Variants in ERICH2 observed in about 807,000 individuals in gnomAD.
The protein encoded by ERICH2 is glutamate rich 2.
A neutral mutation model predicts 17.4 loss-of-function variants in ERICH2; 17 were observed. That is an observed-to-expected ratio of 0.98 (90% CI 0.67 to 1.47). The LOEUF is 1.47. Ranked by LOEUF, ERICH2 falls within the 40% of genes most tolerant of loss-of-function variation. ERICH2 has a pLI of 0.00. For synonymous variants in ERICH2, 51 were observed against 61.1 expected (o/e 0.83, Z 0.77); for missense variants, 186 against 183.2 (o/e 1.01, Z -0.09).
chr2:170,798,685 T>C, intron 4 of ERICH2, 85 bp from the exon 10 acceptor site: 1 of 1,483,130 alleles, frequency 6.7e-7, no homozygotes, highest in Non-Finnish European at 9.1e-7. Flanking sequence ...ATGTATTTCT[T>C]GGTAGAGGGA....
chr2:170,797,036 G>A (rs1176850473), intron 3 of ERICH2, among the ~76,000 whole-genome samples: 1 of 152,168 alleles, frequency 6.6e-6, no homozygotes, highest in African/African-American at 2.4e-5. Flanking sequence ...CAAAAGAAAG[G>A]TGACACAGTG....
upstream of ERICH2, chr2:170,779,750 A>G (rs920567078): frequency 2.8e-6 from 2 of 713,552 alleles, no homozygotes; most frequent in African/African-American, 3.9e-5. Flanking sequence ...CTTTTCTAAA[A>G]TGAATAATGA....
At chr2:170,777,973 A>T in the ERICH2 span, 1 of 312,318 alleles carries the variant, frequency 3.2e-6, no homozygotes. Context: ...TTCATTGCTC[A>T]TTCCTATTTC....
intron 4 of ERICH2, among the ~76,000 whole-genome samples, 180 bp from the exon 10 acceptor site, chr2:170,798,590 C>T (rs1701487059): frequency 6.6e-6 from 1 of 152,068 alleles, no homozygotes; most frequent in Admixed American, 6.5e-5. Flanking sequence ...ACCTGTATGC[C>T]AGTAAAAATA....
intron 3 of ERICH2, among the ~76,000 whole-genome samples, chr2:170,797,015 T>C (rs1701443241): frequency 6.6e-6 from 1 of 152,182 alleles, no homozygotes; most frequent in African/African-American, 2.4e-5. Flanking sequence ...AAAAAGTCTA[T>C]TGTTGTGGTC....
chr2:170,773,752 G>T, the ERICH2 span, among the ~76,000 whole-genome samples: 52 of 152,042 alleles, frequency 3.4e-4, no homozygotes, highest in African/African-American at 1.1e-3. Context: ...TAGAGACAGA[G>T]TCCCACTCTC....
chr2:170,796,829 C>A (rs184082327), intron 3 of ERICH2, among the ~76,000 whole-genome samples: 74 of 152,032 alleles, frequency 4.9e-4, no homozygotes, highest in African/African-American at 1.7e-3. Flanking sequence ...GCAGGAGTCA[C>A]AATATTAAAC....
chr2:170,786,698 TA>T (rs1294701204), intron 2 of ERICH2, among the ~76,000 whole-genome samples: 1 of 152,198 alleles, frequency 6.6e-6, no homozygotes, highest in Non-Finnish European at 1.5e-5. Flanking sequence ...GTTTTTTTCA[TA>T]TTTTTTTAGA....
intron 2 of ERICH2, 49 bp from the exon 8 acceptor site, chr2:170,792,814 A>G: frequency 8.4e-7 from 1 of 1,184,200 alleles, no homozygotes; most frequent in Non-Finnish European, 1.2e-6. Flanking sequence ...GGGAGTTTAG[A>G]GTTGACAACA....
intron 2 of ERICH2, among the ~76,000 whole-genome samples, chr2:170,785,185 G>GATTTGAT (rs1280328054): frequency 7.2e-5 from 11 of 152,202 alleles, no homozygotes; most frequent in African/African-American, 2.6e-4. Flanking sequence ...CAATTGCCTT[G>GATTTGAT]ATTTGATCAT....
chr2:170,775,596 C>T, the ERICH2 span: 2 of 152,098 alleles, frequency 1.3e-5, no homozygotes, highest in African/African-American at 2.4e-5. Context: ...TGCTTTGTTT[C>T]GTCTTTGGAG....
chr2:170,772,079 G>A, the ERICH2 span, among the ~76,000 whole-genome samples: 1 of 152,008 alleles, frequency 6.6e-6, no homozygotes, highest in East Asian at 1.9e-4. Context: ...GTAATCTCTG[G>A]AGAACAATAA....
At chr2:170,773,555 A>G in the ERICH2 span, among the ~76,000 whole-genome samples, 1 of 152,182 alleles carries the variant, frequency 6.6e-6, no homozygotes, top group Non-Finnish European at 1.5e-5. Flanking sequence ...AGCATTTGTT[A>G]TAGTATTTTG....
chr2:170,778,693 C>T, the ERICH2 span, among the ~76,000 whole-genome samples: 1 of 152,034 alleles, frequency 6.6e-6, no homozygotes, highest in African/African-American at 2.4e-5. Context: ...TATCCTATTA[C>T]ATGGTTGAAA....
intron 3 of ERICH2, among the ~76,000 whole-genome samples, chr2:170,794,811 C>T (rs1701376618): frequency 6.6e-6 from 1 of 152,170 alleles, no homozygotes; most frequent in South Asian, 2.1e-4. Context: ...TCACAAGAGT[C>T]CCAACTGTGG....
intron 3 of ERICH2, among the ~76,000 whole-genome samples, chr2:170,794,632 A>G (rs927212962): frequency 8.5e-5 from 13 of 152,192 alleles, no homozygotes; most frequent in Non-Finnish European, 1.9e-4. Context: ...TTCTTCTAAC[A>G]TATTAGTGAT....
At chr2:170,772,891 T>C in the ERICH2 span, among the ~76,000 whole-genome samples, 14 of 152,326 alleles carry the variant, frequency 9.2e-5, no homozygotes, top group African/African-American at 3.4e-4. Flanking sequence ...AGTAAAATAA[T>C]TGCATAAGTG....
intron 2 of ERICH2, among the ~76,000 whole-genome samples, chr2:170,785,303 A>C (rs962515024): frequency 2.0e-5 from 3 of 152,156 alleles, no homozygotes; most frequent in African/African-American, 4.8e-5. Context: ...CCTTGTCCAC[A>C]CACAGATGCT....
At chr2:170,775,206 C>T in the ERICH2 span, among the ~76,000 whole-genome samples, 1 of 151,496 alleles carries the variant, frequency 6.6e-6, no homozygotes, top group African/African-American at 2.4e-5. Context: ...GCAGGAGGAT[C>T]GCTTAAGAGC....
Sources: allele counts gnomAD v4.1 joint callset (sites outside exome capture counted in the v4.1 genomes callset), GRCh38; gene constraint gnomAD v4.1.1; transcripts MANE v1.5; gene names NCBI Gene and HGNC (gene_info 2026-07-23, HGNC 2026-07-21).